PTPRD: variants seen among roughly 807,000 people sequenced by gnomAD.
The protein encoded by PTPRD is receptor-type tyrosine-protein phosphatase delta.
A neutral mutation model predicts 214.5 loss-of-function variants in PTPRD; 34 were observed. The ratio of observed to expected loss-of-function variants is 0.16; its 90% CI spans 0.12 to 0.21. The LOEUF (loss-of-function observed/expected upper bound fraction) is 0.21. Among genes scored for constraint, PTPRD ranks in the 10% least tolerant of loss-of-function variants. The pLI is 1.00. For synonymous variants in PTPRD, 1,128 were observed against 845.7 expected (o/e 1.33, Z -5.79); for missense variants, 2,545 against 2,398.7 (o/e 1.06, Z -1.27).
At chr9:10,291,176 C>A (rs1300582199) in intron 3 of PTPRD, among the ~76,000 whole-genome samples, 2 of 152,054 alleles carry the variant, frequency 1.3e-5, no homozygotes, top group Non-Finnish European at 2.9e-5. Flanking sequence ...ACAGATGGGG[C>A]CTTTTCTCTT....
At chr9:9,555,014 A>C (rs770804917) in intron 8 of PTPRD, among the ~76,000 whole-genome samples, 1 of 152,086 alleles carries the variant, frequency 6.6e-6, no homozygotes, top group Non-Finnish European at 1.5e-5. Context: ...TCATTTGTGC[A>C]AAGAGGAAAA....
At chr9:9,045,835 G>A (rs994927045) in intron 10 of PTPRD, among the ~76,000 whole-genome samples, 81 of 152,150 alleles carry the variant, frequency 5.3e-4, no homozygotes, top group African/African-American at 1.9e-3. Flanking sequence ...CAAAATGCTT[G>A]AGATATGCAG....
chr9:9,127,818 G>A (rs2099836422), intron 10 of PTPRD, among the ~76,000 whole-genome samples: 1 of 152,124 alleles, frequency 6.6e-6, no homozygotes, highest in Admixed American at 6.5e-5. Context: ...GAAAAAAAGA[G>A]GTGATGCCTA....
At chr9:9,532,355 A>C (rs2075666946) in intron 8 of PTPRD, among the ~76,000 whole-genome samples, 1 of 152,200 alleles carries the variant, frequency 6.6e-6, no homozygotes, top group Non-Finnish European at 1.5e-5. Flanking sequence ...ATTGTTTCAG[A>C]GCCTAGAAGT....
chr9:9,254,117 T>C (rs1017301322), intron 9 of PTPRD, among the ~76,000 whole-genome samples: 1 of 152,066 alleles, frequency 6.6e-6, no homozygotes. Context: ...TTGAATTAAT[T>C]ACATCTTCTA....
intron 7 of PTPRD, among the ~76,000 whole-genome samples, chr9:9,723,306 T>G (rs1220081719): frequency 1.3e-5 from 2 of 152,102 alleles, no homozygotes; most frequent in Non-Finnish European, 2.9e-5. Flanking sequence ...TTGGCACCTT[T>G]GTCAAAGATC....
chr9:8,435,483 G>C (rs930351360), intron 35 of PTPRD, among the ~76,000 whole-genome samples: 2 of 152,068 alleles, frequency 1.3e-5, no homozygotes, highest in South Asian at 4.1e-4. Flanking sequence ...GTGAAATTTG[G>C]GCTGCCCAGG....
intron 42 of PTPRD, 76 bp from the exon 43 acceptor site, chr9:8,339,123 A>T: frequency 2.2e-6 from 3 of 1,360,648 alleles, no homozygotes; most frequent in Non-Finnish European, 2.0e-6. Context: ...CTATCTATCT[A>T]ATCTATCTAA....
intron 9 of PTPRD, among the ~76,000 whole-genome samples, chr9:9,354,863 G>C (rs1186659211): frequency 6.6e-6 from 1 of 151,772 alleles, no homozygotes; most frequent in African/African-American, 2.4e-5. Flanking sequence ...AAAAATAATG[G>C]AGGGTGAGGT....
chr9:8,526,676 A>G (rs1262389404), intron 16 of PTPRD, 32 bp from the exon 17 acceptor site: 1 of 1,563,272 alleles, frequency 6.4e-7, no homozygotes, highest in Admixed American at 1.8e-5. Flanking sequence ...AAATAAGATT[A>G]GAAAGAAGAA....
chr9:9,425,840 T>A (rs1484912258), intron 8 of PTPRD, among the ~76,000 whole-genome samples: 3 of 152,126 alleles, frequency 2.0e-5, no homozygotes, highest in Non-Finnish European at 4.4e-5. Flanking sequence ...ATAAAAATAG[T>A]GTTGAGTTGA....
intron 11 of PTPRD, among the ~76,000 whole-genome samples, chr9:8,839,136 T>C (rs187802693): frequency 2.2e-4 from 34 of 152,088 alleles, no homozygotes; most frequent in African/African-American, 7.7e-4. Context: ...AAAGGAAATA[T>C]AGAGATTTAA....
chr9:10,387,600 G>C (rs1031205836), intron 2 of PTPRD, among the ~76,000 whole-genome samples: 2 of 151,532 alleles, frequency 1.3e-5, no homozygotes, highest in African/African-American at 2.4e-5. Context: ...GCTCAACTTT[G>C]AATAATACAT....
At chr9:8,838,835 C>T (rs974135618) in intron 11 of PTPRD, among the ~76,000 whole-genome samples, 5 of 151,576 alleles carry the variant, frequency 3.3e-5, no homozygotes, top group Admixed American at 2.6e-4. Context: ...AGAAACAAAA[C>T]ACCAAAAACA....
chr9:8,414,969 GAGAGAC>G (rs1462103130), intron 35 of PTPRD, among the ~76,000 whole-genome samples: 5 of 145,862 alleles, frequency 3.4e-5, no homozygotes, highest in African/African-American at 7.7e-5. Context: ...GAGAGAGAGA[GAGAGAC>G]AGACAGACAG....
chr9:9,365,004 G>A (rs1164351434), intron 9 of PTPRD, among the ~76,000 whole-genome samples: 2 of 151,486 alleles, frequency 1.3e-5, no homozygotes, highest in African/African-American at 2.4e-5. Flanking sequence ...AGGATTCTCT[G>A]ATGAACTGGA....
chr9:9,315,422 G>C (rs928362330), intron 9 of PTPRD, among the ~76,000 whole-genome samples: 10 of 151,944 alleles, frequency 6.6e-5, no homozygotes, highest in Middle Eastern at 3.4e-3. Context: ...ACTTATCTAG[G>C]ATAATTAGGT....
intron 5 of PTPRD, among the ~76,000 whole-genome samples, chr9:9,929,766 C>G (rs761058753): frequency 6.6e-6 from 1 of 152,086 alleles, no homozygotes; most frequent in African/African-American, 2.4e-5. Context: ...GAGGATGTCC[C>G]TAGGAAGTTT....
At chr9:9,537,751 A>G (rs1008375306) in intron 8 of PTPRD, among the ~76,000 whole-genome samples, 1 of 151,952 alleles carries the variant, frequency 6.6e-6, no homozygotes, top group Non-Finnish European at 1.5e-5. Flanking sequence ...CTGCAGCTTA[A>G]AAGTAACTGA....
Sources: allele counts gnomAD v4.1 joint callset (sites outside exome capture counted in the v4.1 genomes callset), GRCh38; gene constraint gnomAD v4.1.1; transcripts MANE v1.5; gene names NCBI Gene and HGNC (gene_info 2026-07-23, HGNC 2026-07-21).